EML1: variants seen among roughly 807,000 people sequenced by gnomAD.
EML1 encodes EMAP like 1, also known as echinoderm microtubule-associated protein-like 1.
A neutral mutation model predicts 110.4 loss-of-function variants in EML1; 27 were observed. The observed-to-expected ratio is 0.24, with a 90% CI of 0.18 to 0.34. EML1 has a LOEUF of 0.34. EML1 is among the 10% of genes least tolerant of loss of function. The pLI is 1.00. For missense variants in EML1, 741 were observed against 1,030.9 expected (o/e 0.72, Z 3.85); for synonymous variants, 344 against 385.8 (o/e 0.89, Z 1.27).
rs760634692 is a variant in EML1 at position 99,850,894 on chromosome 14, C to T, written c.109C>T (p.Arg37Cys). 3 of 1,614,110 alleles carry T rather than the reference C, an allele frequency of 1.9e-6. No individual in the cohort carries two copies. The highest frequency in any genetic ancestry group is 2.5e-6 in the Non-Finnish European group (3 of 1,180,018). The change falls in exon 2 of 22, where the codon CGC (arginine) becomes TGC (cysteine). Residue 37 changes from arginine (R) to cysteine (C), a missense_variant. Transcript: ENST00000262233. ...TGCAAGTAGCATGGAGGTGACAGAC[C>T]GCATTGCTTCACTGGAGCAGAGAGT... ...SAASSMEVTD[R>C]IASLEQRVQM...
At chr14:99,779,675 G>T (rs568467168) in intron 1 of EML1, among the ~76,000 whole-genome samples, 55 of 152,190 alleles carry the variant, frequency 3.6e-4, no homozygotes, top group Non-Finnish European at 6.2e-4. Flanking sequence ...CCACACTTTT[G>T]CCTGGACAGC....
chr14:99,929,832 G>T (rs912384696), intron 17 of EML1, among the ~76,000 whole-genome samples: 3 of 152,200 alleles, frequency 2.0e-5, no homozygotes. Flanking sequence ...AGCACCCTGC[G>T]CTGCCATGTG....
intron 15 of EML1, among the ~76,000 whole-genome samples, chr14:99,916,909 A>G (rs1173021488): frequency 6.6e-6 from 1 of 152,094 alleles, no homozygotes. Flanking sequence ...TCCCCTGTGT[A>G]TCTCTTTCAT....
Position 99,936,243 on chromosome 14 carries a change from C to G in EML1, c.2008-4C>G, listed in dbSNP as rs776214678. On this transcript the variant is annotated splice_polypyrimidine_tract_variant and splice_region_variant and intron_variant, in intron 18 of 21. Transcript: ENST00000262233. The surrounding 1 kb of genome is among the most constrained non-coding windows in gnomAD (Gnocchi z 5.5). Reference sequence around the variant, plus strand: ...GAAATGAAGACAGTGTTTTACCCTCCCAGGGTCATTCCAGCTTCATTACTC... The same window carrying G: ...GAAATGAAGACAGTGTTTTACCCTCGCAGGGTCATTCCAGCTTCATTACTC... The G allele has an allele frequency of 3.1e-6, 5 of 1,614,000 alleles. No homozygotes were observed. In the South Asian group the frequency reaches 5.5e-5, roughly 18 times the overall value.
chr14:99,935,574 G>A (rs1397757297), intron 17 of EML1, among the ~76,000 whole-genome samples: 2 of 152,072 alleles, frequency 1.3e-5, no homozygotes, highest in African/African-American at 2.4e-5. Context: ...ACGAGGTCAC[G>A]AGATCGAGAC....
chr14:99,923,409 G>A (rs949270685), intron 17 of EML1, among the ~76,000 whole-genome samples: 3 of 152,088 alleles, frequency 2.0e-5, no homozygotes, highest in Non-Finnish European at 4.4e-5. Flanking sequence ...CCTTGCATTC[G>A]AGTCTATGAT....
chr14:99,856,965 T>C (rs903832196), intron 2 of EML1, among the ~76,000 whole-genome samples: 6 of 152,220 alleles, frequency 3.9e-5, no homozygotes, highest in Non-Finnish European at 2.9e-5. Flanking sequence ...TTCTAAGATA[T>C]AGACTCTTTT....
At chr14:99,847,630 A>T (rs1319913339) in intron 1 of EML1, among the ~76,000 whole-genome samples, 2 of 152,104 alleles carry the variant, frequency 1.3e-5, no homozygotes, top group African/African-American at 2.4e-5. Flanking sequence ...CTTCAGGAAA[A>T]ATTATAGAAT....
chr14:99,852,415 G>A (rs985491889), intron 2 of EML1, among the ~76,000 whole-genome samples: 1 of 152,210 alleles, frequency 6.6e-6, no homozygotes, highest in African/African-American at 2.4e-5. Flanking sequence ...AGGAGTTCAA[G>A]ACCCATCTAG....
intron 5 of EML1, among the ~76,000 whole-genome samples, chr14:99,892,591 C>T (rs534071308): frequency 1.3e-5 from 2 of 152,252 alleles, no homozygotes; most frequent in African/African-American, 4.8e-5. Flanking sequence ...CACTGCTTTC[C>T]CTGGCTGCAT....
At chr14:99,814,525 G>A (rs1213011580) in intron 1 of EML1, among the ~76,000 whole-genome samples, 6 of 152,110 alleles carry the variant, frequency 3.9e-5, no homozygotes, top group East Asian at 1.9e-4. Flanking sequence ...TTGGCCTGCC[G>A]AAGTGCTGAG....
At chr14:99,819,845 C>T (rs1279317247) in intron 1 of EML1, among the ~76,000 whole-genome samples, 2 of 152,228 alleles carry the variant, frequency 1.3e-5, no homozygotes, top group East Asian at 3.8e-4. Context: ...GGGGAGGGCT[C>T]ACGATTACTT....
chr14:99,825,500 G>A (rs2058337385), intron 1 of EML1, among the ~76,000 whole-genome samples: 1 of 152,110 alleles, frequency 6.6e-6, no homozygotes, highest in South Asian at 2.1e-4. Context: ...CTATCAAGGG[G>A]CAGAACTGAG....
At chr14:99,842,705 G>A (rs1043671432) in intron 1 of EML1, among the ~76,000 whole-genome samples, 1 of 152,146 alleles carries the variant, frequency 6.6e-6, no homozygotes, top group Admixed American at 6.6e-5. Flanking sequence ...GATTTGTGCA[G>A]TTTTATTAAA....
At chr14:99,839,416 T>C (rs1488008999) in intron 1 of EML1, among the ~76,000 whole-genome samples, 2 of 152,198 alleles carry the variant, frequency 1.3e-5, no homozygotes, top group Non-Finnish European at 2.9e-5. Flanking sequence ...GAAGATCGCA[T>C]TGCCCGGCAC....
chr14:99,907,668 G>T lies in EML1; in HGVS notation c.1039G>T (p.Asp347Tyr). The part of the protein sequence containing the change: ...NGGTNLCAVD[D>Y]SNDHVLSVWD... ...AGGAACCAATCTCTGTGCTGTGGAT[G>T]ACTCCAACGACCATGTGCTCTCTGT... is the stretch of plus-strand genomic sequence containing the variant. The change falls in exon 10 of 22, where the codon GAC becomes TAC. Residue 347 changes from aspartate to tyrosine, a missense_variant. Coordinates refer to ENST00000262233, the MANE Select transcript of EML1 (RefSeq NM_004434.3). 1 of 1,614,192 alleles carries T rather than the reference G, an allele frequency of 6.2e-7. No individual in the cohort carries two copies. Among genetic ancestry groups the T allele is most frequent in the South Asian group, 1.1e-5 (1 of 91,084 alleles).
intron 7 of EML1, among the ~76,000 whole-genome samples, chr14:99,897,603 G>A (rs2059692904): frequency 6.6e-6 from 1 of 152,204 alleles, no homozygotes; most frequent in Admixed American, 6.5e-5. Context: ...TAATTTTCCA[G>A]CCTCACCAAC....
chr14:99,752,838 A>G (rs1436331318), intron 1 of EML1, among the ~76,000 whole-genome samples: 1 of 152,212 alleles, frequency 6.6e-6, no homozygotes, highest in Non-Finnish European at 1.5e-5. Flanking sequence ...ATTAAAAAAT[A>G]CACAGTTTTA....
chr14:99,746,101 C>T (rs926313859), intron 1 of EML1, among the ~76,000 whole-genome samples: 5 of 152,208 alleles, frequency 3.3e-5, no homozygotes, highest in African/African-American at 1.2e-4. Context: ...CATGACGCCC[C>T]CTTTAACCTA....
Sources: allele counts gnomAD v4.1 joint callset (sites outside exome capture counted in the v4.1 genomes callset), GRCh38; gene constraint gnomAD v4.1.1; non-coding constraint Gnocchi (gnomAD v3.1); transcripts MANE v1.5; gene names NCBI Gene and HGNC (gene_info 2026-07-23, HGNC 2026-07-21).